The following PLEKHA5 variants were observed in gnomAD, a reference collection of about 807,000 sequenced individuals.
PLEKHA5 encodes pleckstrin homology domain-containing family A member 5.
PLEKHA5 carries 55 observed loss-of-function variants against 181.9 expected under a neutral mutation model. That is an observed-to-expected ratio of 0.30 (90% CI 0.24 to 0.38). The LOEUF (loss-of-function observed/expected upper bound fraction) is 0.38, where lower values mean the gene tolerates loss of function less well. PLEKHA5 is among the 10% of genes least tolerant of loss of function. The probability of loss-of-function intolerance (pLI) is 1.00; values close to 1 mark genes in which losing one functional copy is unlikely to be tolerated. For missense variants in PLEKHA5, 1,432 were observed against 1,549.5 expected (o/e 0.92, Z 1.27); for synonymous variants, 535 against 529.4 (o/e 1.01, Z -0.15).
At chr12:19,251,331 C>A (rs569581665) in intron 3 of PLEKHA5, among the ~76,000 whole-genome samples, 1 of 150,778 alleles carries the variant, frequency 6.6e-6, no homozygotes, top group South Asian at 2.1e-4. Flanking sequence ...CCTTTGAACC[C>A]AGGAGGCAGA....
intron 3 of PLEKHA5, chr12:19,150,762 G>C (rs1034030206): frequency 6.6e-6 from 1 of 152,196 alleles, no homozygotes; most frequent in Non-Finnish European, 1.5e-5. Context: ...GGAGGGCCGT[G>C]GTCAGTAGGA....
At chr12:19,233,057 T>A (rs1484724852) in intron 3 of PLEKHA5, among the ~76,000 whole-genome samples, 1 of 151,250 alleles carries the variant, frequency 6.6e-6, no homozygotes, top group East Asian at 1.9e-4. Context: ...CTTACCTGAT[T>A]ACCAACTTTT....
At chr12:19,201,521 A>G (rs1401507002) in intron 3 of PLEKHA5, 1 of 152,138 alleles carries the variant, frequency 6.6e-6, no homozygotes, top group Non-Finnish European at 1.5e-5. Context: ...AAAGATCTGT[A>G]CTAAAATGTT....
intron 11 of PLEKHA5, among the ~76,000 whole-genome samples, chr12:19,278,117 G>A (rs1039947868): frequency 6.6e-6 from 1 of 152,116 alleles, no homozygotes; most frequent in African/African-American, 2.4e-5. Context: ...AGAAATATAT[G>A]GGATAAAAAT....
intron 3 of PLEKHA5, among the ~76,000 whole-genome samples, chr12:19,185,914 G>A (rs2049765753): frequency 6.6e-6 from 1 of 152,080 alleles, no homozygotes; most frequent in South Asian, 2.1e-4. Context: ...ATGCCTTTTG[G>A]ATTAATCAAG....
chr12:19,150,232 T>G (rs971082364), intron 3 of PLEKHA5: 7 of 152,212 alleles, frequency 4.6e-5, no homozygotes, highest in African/African-American at 1.7e-4. Flanking sequence ...TTATTATGTT[T>G]TTTTCTTTTG....
In PLEKHA5 at chr12:19,314,881, A is replaced by G; in HGVS notation, c.2105A>G (p.Gln702Arg). The G allele has an allele frequency of 6.5e-7, 1 of 1,538,828 alleles. No homozygotes were observed. The highest frequency in any genetic ancestry group is 2.4e-5 in the East Asian group (1 of 40,818). Residue 702 changes from glutamine to arginine, a missense_variant, in exon 16 of 32, where the codon CAA (glutamine) becomes CGA (arginine). Transcript: ENST00000429027. ...TMIENSALRP[Q>R]LYQQFLRQKS... ...ATTGAGAACTCGGCGCTAAGACCCC[A>G]ACTGTACCAGCAAGTAAGGTCTTGG...
In PLEKHA5 at chr12:19,314,843, G is replaced by A; in HGVS notation, c.2067G>A (p.Met689Ile). 6.5e-7 allele frequency: 1 copy of A among 1,547,830 alleles called. No individual in the cohort carries two copies. Among genetic ancestry groups the A allele is most frequent in the Non-Finnish European group, 8.7e-7 (1 of 1,143,658 alleles). Residue 689 changes from methionine (M) to isoleucine (I), a missense_variant, in exon 16 of 32, where the codon ATG becomes ATA. Met to Ile is a conservative substitution (Grantham distance 10). Coordinates refer to ENST00000429027, the MANE Select transcript of PLEKHA5 (RefSeq NM_001256470.2). ...QMKENEPIITMVHTMIENSAL... is the reference protein window; with the variant it reads ...QMKENEPIITIVHTMIENSAL... ...AAGAAAATGAACCTATTATCACCAT[G>A]GTTCACACAATGATTGAGAACTCGG... is the stretch of plus-strand genomic sequence containing the variant.
chr12:19,148,080 G>A (rs768738856), intron 3 of PLEKHA5, among the ~76,000 whole-genome samples: 21 of 151,534 alleles, frequency 1.4e-4, no homozygotes, highest in Admixed American at 5.9e-4. Context: ...TTTTTGAGAC[G>A]GAGTCTCGTT....
intron 11 of PLEKHA5, among the ~76,000 whole-genome samples, chr12:19,280,747 T>C (rs2075901925): frequency 6.6e-6 from 1 of 151,782 alleles, no homozygotes; most frequent in Non-Finnish European, 1.5e-5. Flanking sequence ...TTTTTTTTTT[T>C]TGAGACAGAG....
Position 19,330,174 on chromosome 12 carries a change from CA to C in PLEKHA5, c.2449-6339del, listed in dbSNP as rs570661630. Among the ~76,000 whole-genome samples, 515 of 152,208 alleles carry C rather than the reference CA, an allele frequency of 3.4e-3. 3 individuals are homozygous for C. Among genetic ancestry groups the C allele is most frequent in the African/African-American group, 0.012 (494 of 41,538 alleles). On this transcript the variant is annotated intron_variant, in intron 20 of 31. Coordinates refer to ENST00000429027, the MANE Select transcript of PLEKHA5 (RefSeq NM_001256470.2). ...TTTTTATTATATCTAGAATTTTTAA[CA>C]ATAAAAAGCAAGCACTTTCTTTGAG...
intron 3 of PLEKHA5, among the ~76,000 whole-genome samples, chr12:19,169,210 A>AATTTTTG (rs2045319670): frequency 1.3e-5 from 2 of 152,088 alleles, no homozygotes; most frequent in African/African-American, 4.8e-5. Flanking sequence ...GTTGAGTTTT[A>AATTTTTG]ATATTTGAAT....
intron 15 of PLEKHA5, among the ~76,000 whole-genome samples, chr12:19,311,288 C>T (rs2086426649): frequency 6.7e-6 from 1 of 150,146 alleles, no homozygotes; most frequent in Non-Finnish European, 1.5e-5. Context: ...AATTTTTAAT[C>T]AGCCAGGATT....
At chr12:19,366,377 C>T (rs1411853673) in intron 30 of PLEKHA5, among the ~76,000 whole-genome samples, 3 of 152,040 alleles carry the variant, frequency 2.0e-5, no homozygotes, top group Admixed American at 6.6e-5. Context: ...ATCTTTTGGC[C>T]GGGTGCGGTG....
In PLEKHA5 at chr12:19,265,825, A is replaced by C. The variant is rs754556932; in HGVS notation, c.686A>C (p.His229Pro). 1.9e-6 allele frequency: 3 copies of C among 1,596,714 alleles called. No individual in the cohort carries two copies. The highest frequency in any genetic ancestry group is 2.7e-5 in the African/African-American group (2 of 74,544). ...FQIALLTSED[H>P]INRKYAFKAA... ...ATAGCTTTGCTTACCTCTGAAGATC[A>C]CATTAATCGCAAATATGCTTTTAAG... Residue 229 changes from histidine to proline, a missense_variant, in exon 8 of 32, where the codon CAC becomes CCC. Transcript: ENST00000429027.
intron 28 of PLEKHA5, among the ~76,000 whole-genome samples, chr12:19,360,313 A>T (rs11610733): frequency 7.6e-5 from 11 of 144,530 alleles, no homozygotes; most frequent in Non-Finnish European, 1.5e-4. Context: ...AAAAAAAAAA[A>T]CAAAAAAAAC....
chr12:19,140,950 C>T lies in PLEKHA5; in HGVS notation c.227+8500C>T, dbSNP rs558354510. On this transcript the variant is annotated intron_variant, in intron 3 of 31. Transcript: ENST00000429027. The stretch of plus-strand genomic sequence containing the variant: ...ATTACAGGTGGCCCGCCACTACGCC[C>T]GGCTAATTTTTTTGTATTTTTAGTA... Among the ~76,000 whole-genome samples, 10 of 152,218 alleles carry T rather than the reference C, an allele frequency of 6.6e-5. No homozygotes were observed. In the East Asian group the frequency reaches 1.4e-3, roughly 21 times the overall value.
At chr12:19,359,637 T>C in intron 28 of PLEKHA5, 91 bp downstream of exon 28, 1 of 1,286,154 alleles carries the variant, frequency 7.8e-7, no homozygotes, top group South Asian at 1.3e-5. Context: ...GTGTGTTTCT[T>C]TCAGTCACAG....
intron 21 of PLEKHA5, among the ~76,000 whole-genome samples, chr12:19,337,914 C>G (rs2093581277): frequency 6.6e-6 from 1 of 151,872 alleles, no homozygotes; most frequent in Non-Finnish European, 1.5e-5. Flanking sequence ...ACCTGTAATC[C>G]CAGCTACTCC....
Sources: gnomAD v4.1 joint callset for allele counts (sites outside exome capture counted in the v4.1 genomes callset) on GRCh38, gnomAD v4.1.1 for gene constraint, MANE v1.5 for transcripts, NCBI Gene and HGNC (gene_info 2026-07-23, HGNC 2026-07-21) for gene names.